Variants in DLGAP4 observed in about 807,000 individuals in gnomAD.
DLGAP4 encodes the protein disks large-associated protein 4.
Under a neutral mutation model 86.9 loss-of-function variants are expected in DLGAP4, and 18 were observed. The observed-to-expected ratio is 0.21, with a 90% CI of 0.14 to 0.31. The LOEUF is 0.31. Ranked by LOEUF, DLGAP4 falls within the 10% of genes least tolerant of loss-of-function variation. The pLI is 1.00. For missense variants in DLGAP4, 1,085 were observed against 1,362.6 expected, an observed-to-expected ratio of 0.80 and a Z score of 3.21; for synonymous variants, 548 against 574.3, an observed-to-expected ratio of 0.95 and a Z score of 0.65.
chr20:36,468,108 G>C (rs2034499367), intron 7 of DLGAP4, among the ~76,000 whole-genome samples: 1 of 152,246 alleles, frequency 6.6e-6, no homozygotes, highest in African/African-American at 2.4e-5. Context: ...CAGGGTGCCA[G>C]TTTAGAATTC....
chr20:36,424,684 G>T (rs2032925200), intron 2 of DLGAP4, among the ~76,000 whole-genome samples: 2 of 151,724 alleles, frequency 1.3e-5, no homozygotes, highest in African/African-American at 4.8e-5. Flanking sequence ...ACCAGCCCCT[G>T]CTCTCAGGAA....
chr20:36,497,740 G>A, intron 8 of DLGAP4: 1 of 604,364 alleles, frequency 1.7e-6, no homozygotes. Flanking sequence ...CATAGTCATG[G>A]CACACAGCAG....
intron 7 of DLGAP4, among the ~76,000 whole-genome samples, chr20:36,488,265 C>CTG (rs1271248098): frequency 6.6e-6 from 1 of 151,520 alleles, no homozygotes; most frequent in African/African-American, 2.4e-5. Flanking sequence ...AGCCTTCAGG[C>CTG]ACCCTGGTTT....
intron 1 of DLGAP4, among the ~76,000 whole-genome samples, chr20:36,357,677 A>C (rs1335609139): frequency 1.3e-5 from 2 of 152,214 alleles, no homozygotes; most frequent in East Asian, 1.9e-4. Context: ...AAAATGAACC[A>C]ACGATGAGGT....
At chr20:36,468,189 G>A (rs1469690543) in intron 7 of DLGAP4, among the ~76,000 whole-genome samples, 2 of 152,232 alleles carry the variant, frequency 1.3e-5, no homozygotes, top group African/African-American at 4.8e-5. Flanking sequence ...ACTGTGAGAA[G>A]GTTCCGGAGT....
chr20:36,354,584 G>A (rs976175448), intron 1 of DLGAP4, among the ~76,000 whole-genome samples: 3 of 152,012 alleles, frequency 2.0e-5, no homozygotes, highest in Non-Finnish European at 4.4e-5. Flanking sequence ...GTTGACCCTC[G>A]TGGCTGCACC....
intron 10 of DLGAP4, among the ~76,000 whole-genome samples, chr20:36,523,623 G>A (rs2037516164): frequency 6.6e-6 from 1 of 152,146 alleles, no homozygotes; most frequent in African/African-American, 2.4e-5. Context: ...CTTTTTCTGA[G>A]AAGAGTTCTG....
chr20:36,476,013 C>T (rs2034898695), intron 7 of DLGAP4, among the ~76,000 whole-genome samples: 1 of 151,984 alleles, frequency 6.6e-6, no homozygotes, highest in African/African-American at 2.4e-5. Context: ...CACGCGCCAC[C>T]ACACCTGGTT....
chr20:36,484,497 C>A (rs1483062953), intron 7 of DLGAP4, among the ~76,000 whole-genome samples: 1 of 152,254 alleles, frequency 6.6e-6, no homozygotes, highest in East Asian at 1.9e-4. Flanking sequence ...CCCTCTCAGG[C>A]CTCTGCTCCA....
intron 1 of DLGAP4, among the ~76,000 whole-genome samples, chr20:36,331,573 G>C (rs1379461598): frequency 2.0e-5 from 3 of 152,184 alleles, no homozygotes; most frequent in Non-Finnish European, 4.4e-5. Flanking sequence ...CCAGAGAAGG[G>C]AGTTCCCTGG....
In DLGAP4 at chr20:36,523,672, TTTTTA is replaced by T. The variant is rs1039482400; in HGVS notation, c.2513-573_2513-569del. On this transcript the variant is annotated intron_variant, in intron 10 of 12. Transcript: ENST00000339266. ...AAAATATTTATGAGTCTAATCAGAT[TTTTTA>T]TTTTGAGACTGAGTCTCCCTCTGTC... Among the ~76,000 whole-genome samples the T allele has an allele frequency of 1.1e-4, 17 of 152,148 alleles. No homozygotes were observed. In the East Asian group the frequency reaches 1.2e-3, roughly 10 times the overall value.
At chr20:36,448,003 G>A (rs1374387322) in intron 7 of DLGAP4, among the ~76,000 whole-genome samples, 2 of 149,170 alleles carry the variant, frequency 1.3e-5, no homozygotes, top group Non-Finnish European at 3.0e-5. Context: ...GCAAACCACC[G>A]TGGCGCATGT....
At chr20:36,476,918 C>T (rs1600607414) in intron 7 of DLGAP4, among the ~76,000 whole-genome samples, 1 of 149,288 alleles carries the variant, frequency 6.7e-6, no homozygotes, top group Non-Finnish European at 1.5e-5. Flanking sequence ...ATCTCAAACT[C>T]CTGACCTCAG....
intron 10 of DLGAP4, among the ~76,000 whole-genome samples, chr20:36,523,560 TG>T (rs1455193223): frequency 1.3e-5 from 2 of 152,256 alleles, no homozygotes; most frequent in East Asian, 3.8e-4. Flanking sequence ...AGGGATTTCC[TG>T]TTCTTTGAAA....
intron 10 of DLGAP4, among the ~76,000 whole-genome samples, chr20:36,515,233 A>G (rs1240743285): frequency 6.6e-6 from 1 of 152,216 alleles, no homozygotes; most frequent in Non-Finnish European, 1.5e-5. Flanking sequence ...TATTGGATGG[A>G]TCAAGTTTAG....
In DLGAP4 at chr20:36,431,597, C is replaced by G; in HGVS notation, c.-72-49C>G. On this transcript the variant is annotated intron_variant, in intron 2 of 12. Coordinates refer to ENST00000339266, the MANE Select transcript of DLGAP4 (RefSeq NM_001365621.2). The surrounding 1 kb of genome is among the most constrained non-coding windows in gnomAD (Gnocchi z 5.1). Reference sequence around the variant, plus strand: ...GGATCTGACCTTCCCGGCACCCCTCCCCGACAATCCAGCTGACCAGCTGAC... The same window carrying G: ...GGATCTGACCTTCCCGGCACCCCTCGCCGACAATCCAGCTGACCAGCTGAC... 8.5e-7 allele frequency: 1 copy of G among 1,178,808 alleles called. No individual in the cohort carries two copies. Among genetic ancestry groups the G allele is most frequent in the Non-Finnish European group, 1.2e-6 (1 of 859,254 alleles). The allele number at this position is 1,178,808 out of a possible 1,614,324, so 73.0% of individuals were successfully genotyped here.
intron 1 of DLGAP4, among the ~76,000 whole-genome samples, chr20:36,357,944 G>A (rs782330247): frequency 7.2e-5 from 11 of 152,306 alleles, no homozygotes; most frequent in Non-Finnish European, 1.0e-4. Context: ...TGACTTCTAG[G>A]TTCTCAACTG....
chr20:36,403,378 T>C (rs1319603420), intron 2 of DLGAP4, among the ~76,000 whole-genome samples: 1 of 152,152 alleles, frequency 6.6e-6, no homozygotes, highest in Admixed American at 6.5e-5. Flanking sequence ...CTCCCAAGAC[T>C]GTCACAATGG....
rs150637581 is a variant in DLGAP4 at position 36,342,488 on chromosome 20, C to G, written c.-303-24557C>G. On this transcript the variant is annotated intron_variant, in intron 1 of 12. Transcript: ENST00000339266. The stretch of plus-strand genomic sequence containing the variant: ...GGCCAGGCCCAGCTCCCACCAAGGC[C>G]CCATGACAGCCTCGGTACTACCAAT... 3.8e-3 allele frequency among the ~76,000 whole-genome samples: 586 copies of G among 152,296 alleles called. 3 individuals are homozygous for G. Among genetic ancestry groups the G allele is most frequent in the African/African-American group, 0.013 (557 of 41,562 alleles).
Sources: allele counts gnomAD v4.1 joint callset (sites outside exome capture counted in the v4.1 genomes callset), GRCh38; gene constraint gnomAD v4.1.1; non-coding constraint Gnocchi (gnomAD v3.1); transcripts MANE v1.5; gene names NCBI Gene and HGNC (gene_info 2026-07-23, HGNC 2026-07-21).